Variants in LY75 observed in about 807,000 individuals in gnomAD.
LY75 encodes the protein lymphocyte antigen 75.
Under a neutral mutation model 231.7 loss-of-function variants are expected in LY75, and 185 were observed. That is an observed-to-expected ratio of 0.80 (90% CI 0.71 to 0.90). The LOEUF (loss-of-function observed/expected upper bound fraction) is 0.90. Among genes scored for constraint, LY75 ranks in the 40% least tolerant of loss-of-function variants. LY75 has a pLI of 0.00. For missense variants in LY75, 1,947 were observed against 2,050.2 expected, an observed-to-expected ratio of 0.95 and a Z score of 0.97; for synonymous variants, 668 against 689.0, an observed-to-expected ratio of 0.97 and a Z score of 0.48.
At chr2:159,813,248 T>C (rs1215187357) in intron 31 of LY75, among the ~76,000 whole-genome samples, 1 of 152,172 alleles carries the variant, frequency 6.6e-6, no homozygotes, top group Non-Finnish European at 1.5e-5. Context: ...TGCACAGTGG[T>C]TACACTGTTT....
At chr2:159,870,645 C>T (rs1684984300) in intron 13 of LY75, among the ~76,000 whole-genome samples, 1 of 151,278 alleles carries the variant, frequency 6.6e-6, no homozygotes, top group Non-Finnish European at 1.5e-5. Context: ...ACCAGGACTA[C>T]AGGTGTGTGC....
intron 28 of LY75, among the ~76,000 whole-genome samples, chr2:159,820,979 C>T (rs542982699): frequency 2.0e-5 from 3 of 152,294 alleles, no homozygotes; most frequent in African/African-American, 7.2e-5. Flanking sequence ...GCAGGGATTA[C>T]AGGTGCCCAC....
intron 21 of LY75, among the ~76,000 whole-genome samples, chr2:159,850,784 ATATAT>A (rs1684366527): frequency 9.5e-6 from 1 of 105,254 alleles, no homozygotes; most frequent in Non-Finnish European, 2.0e-5. Flanking sequence ...ATATATATAT[ATATAT>A]ATATATATAT....
chr2:159,883,686 A>G (rs935347600), intron 6 of LY75, among the ~76,000 whole-genome samples: 2 of 152,268 alleles, frequency 1.3e-5, no homozygotes, highest in East Asian at 1.9e-4. Context: ...TCTATCATCA[A>G]TTGCTCTAGT....
At chr2:159,863,373 T>A (rs1367211318) in intron 14 of LY75, among the ~76,000 whole-genome samples, 1 of 152,192 alleles carries the variant, frequency 6.6e-6, no homozygotes, top group Non-Finnish European at 1.5e-5. Context: ...TTGAGGGACC[T>A]TCATAGTGTT....
chr2:159,848,700 G>T lies in LY75; in HGVS notation c.3150+1280C>A, dbSNP rs1490039697. Among the ~76,000 whole-genome samples the T allele has an allele frequency of 1.3e-5, 2 of 152,126 alleles. 1 individual carries two copies. On this transcript the variant is annotated intron_variant, in intron 23 of 34. Coordinates refer to ENST00000263636, the MANE Select transcript of LY75 (RefSeq NM_002349.4). The stretch of plus-strand genomic sequence containing the variant: ...ATGGAAAAGCCCTAGAAGAAAAGAT[G>T]CTCAAGTACTCATTGTAATTCCCTA...
chr2:159,810,258 T>G (rs180671185), intron 32 of LY75, among the ~76,000 whole-genome samples: 325 of 151,624 alleles, frequency 2.1e-3, no homozygotes, highest in African/African-American at 7.6e-3. Context: ...GGTCTTGATC[T>G]CTTGACCTCA....
chr2:159,840,251 T>C (rs141295124), intron 25 of LY75, among the ~76,000 whole-genome samples: 1 of 152,202 alleles, frequency 6.6e-6, no homozygotes, highest in East Asian at 1.9e-4. Flanking sequence ...GATCTTTCAA[T>C]AGTGGAAAGA....
chr2:159,866,515 A>G (rs776805254), intron 13 of LY75, among the ~76,000 whole-genome samples: 14 of 152,164 alleles, frequency 9.2e-5, no homozygotes, highest in Non-Finnish European at 1.9e-4. Flanking sequence ...AGTGGAGACA[A>G]TTAAATCCAG....
At position 159,881,119 on chromosome 2, in the gene LY75, G is replaced by A; in HGVS notation, c.1368C>T (p.Tyr456=). The A allele has an allele frequency of 1.2e-6, 2 of 1,613,884 alleles. No homozygotes were observed. The highest frequency in any genetic ancestry group is 1.3e-5 in the African/African-American group (1 of 75,020). ...AGGAAACACAGTTGGGCGTCTTATT[G>A]TAGGGAACATTTGGCTCATTCTCAT... is the stretch of plus-strand genomic sequence containing the variant. ...YWDENEPNVP[Y]NKTPNCVSYL... is the part of the protein sequence containing the mutation. The change falls in exon 8 of 35, where the codon TAC becomes TAT. Residue 456 remains tyrosine (Y), a synonymous_variant. Coordinates refer to ENST00000263636, the MANE Select transcript of LY75 (RefSeq NM_002349.4).
intron 31 of LY75, among the ~76,000 whole-genome samples, chr2:159,812,853 C>T (rs887853334): frequency 6.6e-6 from 1 of 152,140 alleles, no homozygotes; most frequent in East Asian, 1.9e-4. Context: ...CCCCATATTC[C>T]CCTCCATCTA....
chr2:159,869,177 A>G (rs563799838), intron 13 of LY75, among the ~76,000 whole-genome samples: 1 of 152,268 alleles, frequency 6.6e-6, no homozygotes, highest in South Asian at 2.1e-4. Context: ...GAGGGATAGC[A>G]TTAGGAGAAA....
chr2:159,831,918 ATATGTAAAATAAAAT>A, intron 27 of LY75, 132 bp from the exon 28 acceptor site: 1 of 693,156 alleles, frequency 1.4e-6, no homozygotes. Flanking sequence ...AATTAGAAAC[ATATGTAAAATAAAAT>A]TATCCCATTG....
chr2:159,889,639 T>C (rs1048333465), intron 4 of LY75, among the ~76,000 whole-genome samples: 2 of 144,232 alleles, frequency 1.4e-5, no homozygotes, highest in Admixed American at 6.9e-5. Context: ...GGATAAATGG[T>C]CTTTTAAAGT....
intron 24 of LY75, among the ~76,000 whole-genome samples, chr2:159,841,972 T>A (rs1684044734): frequency 6.6e-6 from 1 of 152,140 alleles, no homozygotes; most frequent in African/African-American, 2.4e-5. Flanking sequence ...AATATGGATT[T>A]AGCCATGCTG....
Position 159,858,237 on chromosome 2 carries a change from T to C in LY75, c.2383+125A>G, listed in dbSNP as rs1684601618. 3 of 1,202,382 alleles carry C rather than the reference T, an allele frequency of 2.5e-6. No homozygotes were observed. In the South Asian group the frequency reaches 5.5e-5, roughly 22 times the overall value. The allele number at this position is 1,202,382 out of a possible 1,614,324, so 74.5% of individuals were successfully genotyped here. A position where few individuals can be genotyped will look rare whatever the true frequency, so the allele number is the denominator to read the frequency against. ...AGGCAGGGGGTGCTCCACATATTAA[T>C]TGCATCATCATCATAGGCTTTTAGA... On this transcript the variant is annotated intron_variant, in intron 16 of 34. Coordinates refer to ENST00000263636, the MANE Select transcript of LY75 (RefSeq NM_002349.4).
chr2:159,877,733 T>C (rs922776962), intron 11 of LY75, among the ~76,000 whole-genome samples: 2 of 151,706 alleles, frequency 1.3e-5, no homozygotes, highest in Admixed American at 6.6e-5. Flanking sequence ...GCTGGGCATG[T>C]TGGCATGCAC....
intron 14 of LY75, among the ~76,000 whole-genome samples, chr2:159,862,720 C>A (rs1287931487): frequency 6.6e-6 from 1 of 152,040 alleles, no homozygotes; most frequent in South Asian, 2.1e-4. Context: ...TTATCATATA[C>A]AACATGATGT....
chr2:159,850,118 C>T lies in LY75; in HGVS notation c.3012G>A (p.Pro1004=), dbSNP rs771700554. ...CAATCCATAAAGTAGCTTCCATATC[C>T]GGAAGCAAGGATGTAATAAAGTCTG... is the stretch of plus-strand genomic sequence containing the variant. ...IEQDFITSLL[P]DMEATLWIGL... Residue 1004 remains proline (P), a synonymous_variant, in exon 23 of 35, where the codon CCG becomes CCA. Coordinates refer to ENST00000263636, the MANE Select transcript of LY75 (RefSeq NM_002349.4). 2.7e-5 allele frequency: 43 copies of T among 1,610,756 alleles called. No individual in the cohort carries two copies. The highest frequency in any genetic ancestry group is 3.1e-5 in the Non-Finnish European group (37 of 1,179,182).
Sources: allele counts gnomAD v4.1 joint callset (sites outside exome capture counted in the v4.1 genomes callset), GRCh38; gene constraint gnomAD v4.1.1; transcripts MANE v1.5; gene names NCBI Gene and HGNC (gene_info 2026-07-23, HGNC 2026-07-21).